PTPN3: variants seen among roughly 807,000 people sequenced by gnomAD.
PTPN3 encodes the protein protein tyrosine phosphatase non-receptor type 3.
Under a neutral mutation model 132.7 loss-of-function variants are expected in PTPN3, and 96 were observed. The ratio of observed to expected loss-of-function variants is 0.72; its 90% CI spans 0.61 to 0.86. The LOEUF (loss-of-function observed/expected upper bound fraction) is 0.86. Ranked by LOEUF, PTPN3 falls within the 40% of genes least tolerant of loss-of-function variation. The pLI, the probability that PTPN3 is intolerant of heterozygous loss-of-function variation, is 0.00. For missense variants in PTPN3, 1,125 were observed against 1,159.6 expected, an observed-to-expected ratio of 0.97 and a Z score of 0.43; for synonymous variants, 398 against 429.0, an observed-to-expected ratio of 0.93 and a Z score of 0.89.
At chr9:109,387,482 C>T (rs149199169) in intron 22 of PTPN3, among the ~76,000 whole-genome samples, 2 of 152,320 alleles carry the variant, frequency 1.3e-5, no homozygotes, top group African/African-American at 4.8e-5. Flanking sequence ...ACCTATCTGC[C>T]TCTGGCCCTG....
At chr9:109,474,622 G>C (rs571145262) in intron 1 of PTPN3, among the ~76,000 whole-genome samples, 1 of 152,208 alleles carries the variant, frequency 6.6e-6, no homozygotes, top group East Asian at 1.9e-4. Context: ...TGCAAAGGTT[G>C]GGGGGGAAAA....
the PTPN3 span, among the ~76,000 whole-genome samples, chr9:109,516,788 C>T: frequency 7.9e-4 from 121 of 152,290 alleles, no homozygotes; most frequent in African/African-American, 2.8e-3. Context: ...GACCACCTGG[C>T]AGGCTGGTGG....
chr9:109,458,078 C>T (rs1008441724), intron 2 of PTPN3, among the ~76,000 whole-genome samples: 1 of 152,208 alleles, frequency 6.6e-6, no homozygotes, highest in Non-Finnish European at 1.5e-5. Context: ...GGAATGGGGA[C>T]ACGGCCATAA....
intron 19 of PTPN3, among the ~76,000 whole-genome samples, chr9:109,403,859 A>G (rs890929492): frequency 2.0e-5 from 3 of 152,174 alleles, no homozygotes; most frequent in Non-Finnish European, 4.4e-5. Context: ...CCTGAATCCT[A>G]TGAATCACAG....
intron 10 of PTPN3, 97 bp from the exon 11 acceptor site, chr9:109,428,781 G>C (rs1843458124): frequency 1.3e-6 from 2 of 1,484,906 alleles, no homozygotes; most frequent in Admixed American, 2.2e-5. Flanking sequence ...CCATGATCCT[G>C]ATGAGTGGGG....
In PTPN3 at chr9:109,415,031, T is replaced by TGTCCGTCCGTCCGTCC. The variant is rs963226577; in HGVS notation, c.1314-4632_1314-4617dup. On this transcript the variant is annotated intron_variant, in intron 14 of 25. Coordinates refer to ENST00000374541, the MANE Select transcript of PTPN3 (RefSeq NM_002829.4). The stretch of plus-strand genomic sequence containing the variant: ...AGTTTCATCTAACCATTTGTCCGTC[T>TGTCCGTCCGTCCGTCC]GTCCGTCCGTCCGTCCGTCCATCCG... 4.2e-4 allele frequency among the ~76,000 whole-genome samples: 26 copies of TGTCCGTCCGTCCGTCC among 62,324 alleles called. No homozygotes were observed. In the East Asian group the frequency reaches 7.4e-3, roughly 18 times the overall value. 40.9% of individuals were successfully genotyped at this position (62,324 alleles called of 152,430 possible). A position where few individuals can be genotyped will look rare whatever the true frequency, so the allele number is the denominator to read the frequency against.
At chr9:109,465,572 G>A (rs568706492) in intron 1 of PTPN3, among the ~76,000 whole-genome samples, 3 of 152,162 alleles carry the variant, frequency 2.0e-5, no homozygotes, top group South Asian at 2.1e-4. Flanking sequence ...AGCTGGGCAC[G>A]GTGGCATGCG....
intron 1 of PTPN3, among the ~76,000 whole-genome samples, chr9:109,469,150 C>G (rs1846245580): frequency 6.6e-6 from 1 of 152,196 alleles, no homozygotes; most frequent in Admixed American, 6.5e-5. Flanking sequence ...GGGCTCCTCC[C>G]TGGCTGCCCT....
chr9:109,534,115 T>C, the PTPN3 span: 2 of 787,430 alleles, frequency 2.5e-6, no homozygotes, highest in Middle Eastern at 2.3e-4. Context: ...GATGAAAGCA[T>C]ATCCGTTCCT....
At chr9:109,392,300 T>C (rs1840192239) in intron 19 of PTPN3, among the ~76,000 whole-genome samples, 1 of 152,198 alleles carries the variant, frequency 6.6e-6, no homozygotes, top group Non-Finnish European at 1.5e-5. Flanking sequence ...GACTGCTTTT[T>C]CCCTTTAATC....
the PTPN3 span, among the ~76,000 whole-genome samples, chr9:109,509,502 G>A: frequency 6.6e-6 from 1 of 152,164 alleles, no homozygotes; most frequent in South Asian, 2.1e-4. Flanking sequence ...TACTCCAACT[G>A]TTAACTGTCT....
intron 14 of PTPN3, among the ~76,000 whole-genome samples, chr9:109,415,588 C>A (rs1160545448): frequency 1.3e-5 from 2 of 152,028 alleles, no homozygotes; most frequent in African/African-American, 4.8e-5. Flanking sequence ...GAGGTGACAC[C>A]AAAGACAGGG....
Position 109,420,516 on chromosome 9 carries a change from C to T in PTPN3, c.1221G>A (p.Thr407=), listed in dbSNP as rs142732873. 4.4e-5 allele frequency: 71 copies of T among 1,613,196 alleles called. No homozygotes were observed. The highest frequency in any genetic ancestry group is 1.3e-4 in the African/African-American group (10 of 74,918). The stretch of plus-strand genomic sequence containing the variant: ...ACGTGTAAAATACATCTTCCGTTTC[C>T]GTGATGTAGGTCATTTCATTTGCAA... ...DNLANEMTYI[T]ETEDVFYTYK... The change falls in exon 14 of 26, where the codon ACG becomes ACA. Residue 407 remains threonine, a synonymous_variant. Transcript: ENST00000374541.
intron 1 of PTPN3, among the ~76,000 whole-genome samples, chr9:109,482,607 C>A (rs1847011335): frequency 6.6e-6 from 1 of 152,320 alleles, no homozygotes; most frequent in East Asian, 1.9e-4. Flanking sequence ...CTGCTTAAAT[C>A]TCCGTCCTCT....
In PTPN3 at chr9:109,383,507, G is replaced by A. The variant is rs755513213; in HGVS notation, c.2298C>T (p.Asn766=). The change falls in exon 23 of 26, where the codon AAC becomes AAT. Residue 766 remains asparagine, a synonymous_variant. Coordinates refer to ENST00000374541, the MANE Select transcript of PTPN3 (RefSeq NM_002829.4). The part of the protein sequence containing the change: ...QYWPDPPDVM[N]HGGFHIQCQS... ...GACACTGGATGTGAAAGCCGCCGTG[G>A]TTCATGACGTCGGGGGGATCTGGCC... The A allele has an allele frequency of 2.0e-5, 32 of 1,613,998 alleles. No individual in the cohort carries two copies. The highest frequency in any genetic ancestry group is 2.5e-5 in the Non-Finnish European group (30 of 1,180,040).
intron 10 of PTPN3, 29 bp from the exon 11 acceptor site, chr9:109,428,713 A>C (rs1843453733): frequency 3.7e-6 from 6 of 1,604,296 alleles, no homozygotes; most frequent in Non-Finnish European, 5.1e-6. Flanking sequence ...AACACAAACA[A>C]AGCACATCAG....
intron 22 of PTPN3, among the ~76,000 whole-genome samples, chr9:109,383,805 CA>C (rs1839331212): frequency 6.6e-6 from 1 of 152,142 alleles, no homozygotes; most frequent in Non-Finnish European, 1.5e-5. Flanking sequence ...TCTTCATCAC[CA>C]GGGGCCACTC....
chr9:109,473,292 A>G (rs1018037775), intron 1 of PTPN3, among the ~76,000 whole-genome samples: 8 of 152,194 alleles, frequency 5.3e-5, no homozygotes, highest in South Asian at 4.1e-4. Flanking sequence ...AGCCCCTGGG[A>G]AGCCCGGGTG....
intron 14 of PTPN3, among the ~76,000 whole-genome samples, chr9:109,413,642 G>C (rs1471363147): frequency 1.3e-5 from 2 of 152,150 alleles, no homozygotes; most frequent in Non-Finnish European, 2.9e-5. Flanking sequence ...ATGACAAGGG[G>C]GAGGAAGGAG....
Sources: gnomAD v4.1 joint callset for allele counts (sites outside exome capture counted in the v4.1 genomes callset) on GRCh38, gnomAD v4.1.1 for gene constraint, MANE v1.5 for transcripts, NCBI Gene and HGNC (gene_info 2026-07-23, HGNC 2026-07-21) for gene names.